SNTG2: variants seen among roughly 807,000 people sequenced by gnomAD.
SNTG2 encodes the protein syntrophin gamma 2.
SNTG2 carries 74 observed loss-of-function variants against 70.9 expected under a neutral mutation model. That is an observed-to-expected ratio of 1.04 (90% CI 0.86 to 1.27). The LOEUF (loss-of-function observed/expected upper bound fraction) is 1.27. Among genes scored for constraint, SNTG2 ranks in the 50% most tolerant of loss-of-function variants. The pLI, the probability that SNTG2 is intolerant of heterozygous loss-of-function variation, is 0.00. For missense variants in SNTG2, 717 were observed against 690.7 expected, an observed-to-expected ratio of 1.04 and a Z score of -0.43; for synonymous variants, 278 against 273.8, an observed-to-expected ratio of 1.02 and a Z score of -0.15.
At chr2:1,189,212 T>G (rs1251980313) in intron 8 of SNTG2, among the ~76,000 whole-genome samples, 1 of 152,124 alleles carries the variant, frequency 6.6e-6, no homozygotes, top group Non-Finnish European at 1.5e-5. Flanking sequence ...AGGTAGCAAA[T>G]CTTTGTAAGA....
chr2:1,111,653 T>C (rs1441991943), intron 4 of SNTG2, among the ~76,000 whole-genome samples: 4 of 152,258 alleles, frequency 2.6e-5, no homozygotes, highest in African/African-American at 9.6e-5. Flanking sequence ...AAATGTCCAG[T>C]GTCCTTCAAA....
chr2:1,059,323 C>T (rs1310843612), intron 1 of SNTG2: 4 of 151,120 alleles, frequency 2.6e-5, no homozygotes, highest in Non-Finnish European at 5.9e-5. Context: ...TATCACAGGT[C>T]CTTCTCCTCC....
At chr2:1,185,666 G>A (rs1446875210) in intron 8 of SNTG2, among the ~76,000 whole-genome samples, 1 of 152,220 alleles carries the variant, frequency 6.6e-6, no homozygotes, top group Non-Finnish European at 1.5e-5. Context: ...CATGGTGGGA[G>A]CTGGAGTGGC....
intron 8 of SNTG2, among the ~76,000 whole-genome samples, chr2:1,175,052 G>A (rs76004237): frequency 0.036 from 5,494 of 152,222 alleles, 131 homozygotes; most frequent in Non-Finnish European, 0.056. Flanking sequence ...CTTATCTTAA[G>A]TTCATAAAGA....
chr2:1,340,863 T>A (rs1187336923), intron 16 of SNTG2, among the ~76,000 whole-genome samples: 1 of 152,236 alleles, frequency 6.6e-6, no homozygotes. Flanking sequence ...CTAATTTTTT[T>A]ATAACAAAAT....
chr2:1,261,310 G>T (rs1359388071), intron 13 of SNTG2, among the ~76,000 whole-genome samples: 1 of 152,062 alleles, frequency 6.6e-6, no homozygotes, highest in Non-Finnish European at 1.5e-5. Flanking sequence ...ATAAATATGT[G>T]AGTATCATAA....
intron 1 of SNTG2, among the ~76,000 whole-genome samples, chr2:1,058,215 A>C (rs1049246315): frequency 6.8e-6 from 1 of 147,684 alleles, no homozygotes; most frequent in Non-Finnish European, 1.5e-5. Flanking sequence ...CAGTTTTTTG[A>C]AAAAAAAAGA....
chr2:1,165,255 T>C (rs1670628212), intron 6 of SNTG2, among the ~76,000 whole-genome samples: 1 of 152,180 alleles, frequency 6.6e-6, no homozygotes, highest in Admixed American at 6.5e-5. Context: ...TTCTGGTAGA[T>C]TGCATTCATA....
intron 6 of SNTG2, among the ~76,000 whole-genome samples, chr2:1,154,166 G>T (rs1259849399): frequency 6.6e-6 from 1 of 152,118 alleles, no homozygotes; most frequent in Non-Finnish European, 1.5e-5. Context: ...GGCGCGGGCG[G>T]GGAGAGGCGG....
At chr2:1,163,259 G>A (rs1274077061) in intron 6 of SNTG2, 1 of 151,838 alleles carries the variant, frequency 6.6e-6, no homozygotes, top group Non-Finnish European at 1.5e-5. Context: ...CTCCCAACAG[G>A]AAGTAGGCAC....
At chr2:1,171,963 GGT>G (rs1413566611) in intron 7 of SNTG2, among the ~76,000 whole-genome samples, 1 of 152,148 alleles carries the variant, frequency 6.6e-6, no homozygotes, top group Non-Finnish European at 1.5e-5. Flanking sequence ...TTGCATATGT[GGT>G]GCCGATTGTT....
chr2:1,033,106 C>T (rs576813770), intron 1 of SNTG2, among the ~76,000 whole-genome samples: 10 of 152,278 alleles, frequency 6.6e-5, no homozygotes, highest in African/African-American at 1.7e-4. Flanking sequence ...GAACCACTTA[C>T]GAGAAATATG....
intron 4 of SNTG2, among the ~76,000 whole-genome samples, chr2:1,101,431 G>A (rs980423154): frequency 6.6e-6 from 1 of 152,246 alleles, no homozygotes; most frequent in African/African-American, 2.4e-5. Flanking sequence ...TTCAGGAACA[G>A]AAAGTCCTGG....
In SNTG2 at chr2:977,241, G is replaced by C. The variant is rs368240713; in HGVS notation, c.72+26173G>C. ...AGTTTTATTTTATGTGCAATATTAT[G>C]TAAGAAACCATTGTACTTTTCTTGT... On this transcript the variant is annotated intron_variant, in intron 1 of 16. Transcript: ENST00000308624. 7.2e-4 allele frequency among the ~76,000 whole-genome samples: 110 copies of C among 152,312 alleles called. 2 individuals carry two copies. The South Asian group carries it at 0.019, about 26-fold the overall frequency.
At chr2:1,291,533 A>G (rs1679992894) in intron 14 of SNTG2, among the ~76,000 whole-genome samples, 1 of 152,206 alleles carries the variant, frequency 6.6e-6, no homozygotes, top group Admixed American at 6.5e-5. Context: ...GATATGATGT[A>G]AGATAAGGGT....
chr2:1,276,070 T>C (rs1158037255), intron 14 of SNTG2, among the ~76,000 whole-genome samples: 1 of 152,218 alleles, frequency 6.6e-6, no homozygotes, highest in Non-Finnish European at 1.5e-5. Flanking sequence ...AACTGGAAGC[T>C]AGCAGAGGTG....
At chr2:1,166,626 G>A (rs762983937) in intron 7 of SNTG2, among the ~76,000 whole-genome samples, 3 of 152,208 alleles carry the variant, frequency 2.0e-5, no homozygotes, top group Non-Finnish European at 2.9e-5. Flanking sequence ...GCTGGGAGGA[G>A]AAGGGCGGGT....
intron 8 of SNTG2, among the ~76,000 whole-genome samples, chr2:1,196,313 A>G (rs921829210): frequency 2.6e-5 from 4 of 152,200 alleles, no homozygotes; most frequent in Non-Finnish European, 5.9e-5. Flanking sequence ...CTTCTGAAAT[A>G]ACCCAGTCAG....
intron 1 of SNTG2, among the ~76,000 whole-genome samples, chr2:967,146 G>A (rs1017739428): frequency 3.9e-5 from 6 of 152,074 alleles, no homozygotes; most frequent in African/African-American, 9.7e-5. Flanking sequence ...GGCAGACCAG[G>A]GACAGGAGTG....
Sources: allele counts gnomAD v4.1 joint callset (sites outside exome capture counted in the v4.1 genomes callset), GRCh38; gene constraint gnomAD v4.1.1; transcripts MANE v1.5; gene names NCBI Gene and HGNC (gene_info 2026-07-23, HGNC 2026-07-21).